EXOC1L: variants seen among roughly 807,000 people sequenced by gnomAD.
EXOC1L encodes the protein exocyst complex component 1-like.
A neutral mutation model predicts 4.9 loss-of-function variants in EXOC1L; 10 were observed. The observed-to-expected ratio is 2.02, with a 90% CI of 1.25 to 3.43. The LOEUF is 3.43. Among genes scored for constraint, EXOC1L ranks in the 30% most tolerant of loss-of-function variants. EXOC1L has a pLI of 0.00. For missense variants in EXOC1L, 114 were observed against 59.4 expected, an observed-to-expected ratio of 1.92 and a Z score of -3.02; for synonymous variants, 41 against 20.8, an observed-to-expected ratio of 1.97 and a Z score of -2.63.
chr4:55,828,600 G>T (rs1364547882), intron 1 of EXOC1L, among the ~76,000 whole-genome samples: 1 of 152,128 alleles, frequency 6.6e-6, no homozygotes, highest in Non-Finnish European at 1.5e-5. Flanking sequence ...GAGAGGCCGA[G>T]GCAGGAGCAT....
chr4:55,821,413 T>C (rs1202576884), intron 1 of EXOC1L, among the ~76,000 whole-genome samples: 2 of 152,138 alleles, frequency 1.3e-5, no homozygotes, highest in African/African-American at 2.4e-5. Context: ...TCTTAAAATA[T>C]TTTTACTGAA....
At chr4:55,824,271 TCTCA>T (rs1294696065) in intron 1 of EXOC1L, among the ~76,000 whole-genome samples, 12 of 144,710 alleles carry the variant, frequency 8.3e-5, no homozygotes, top group East Asian at 3.9e-4. Flanking sequence ...TCTCTCTCTC[TCTCA>T]CACACACACA....
At chr4:55,834,355 G>A (rs956300178) in intron 2 of EXOC1L, among the ~76,000 whole-genome samples, 4 of 151,852 alleles carry the variant, frequency 2.6e-5, no homozygotes, top group African/African-American at 9.7e-5. Flanking sequence ...ATAACTAAAT[G>A]TGTGACCTGG....
rs1488933675 is a variant in EXOC1L at position 55,837,143 on chromosome 4, G to A, written c.311G>A (p.Cys104Tyr). ...GTGTACAGTTTGGAAGCATATAGCT[G>A]TGCTTCTAAATATGCCTTTGCTCGA... ...KKVYSLEAYS[C>Y]ASKYAFARTV... Residue 104 changes from cysteine (C) to tyrosine (Y), a missense_variant, in exon 3 of 3, where the codon TGT becomes TAT. Coordinates refer to ENST00000636125, the MANE Select transcript of EXOC1L (RefSeq NM_001351574.3). The A allele has an allele frequency of 1.4e-6, 1 of 701,830 alleles. No individual in the cohort carries two copies. The highest frequency in any genetic ancestry group is 2.6e-6 in the Non-Finnish European group (1 of 384,292). The allele number at this position is 701,830 out of a possible 1,614,324, so 43.5% of individuals were successfully genotyped here. A position where few individuals can be genotyped will look rare whatever the true frequency, so the allele number is the denominator to read the frequency against.
intron 2 of EXOC1L, among the ~76,000 whole-genome samples, chr4:55,834,247 A>C (rs149422509): frequency 3.3e-5 from 5 of 152,070 alleles, no homozygotes; most frequent in Non-Finnish European, 7.4e-5. Flanking sequence ...AATCAAAATG[A>C]CTGGGGATTT....
chr4:55,822,869 T>A (rs563657388), intron 1 of EXOC1L, among the ~76,000 whole-genome samples: 303 of 152,178 alleles, frequency 2.0e-3, no homozygotes, highest in African/African-American at 6.9e-3. Context: ...ATTAAGGTTA[T>A]AATTTTCAGA....
At chr4:55,835,371 C>A (rs1720133881) in intron 2 of EXOC1L, among the ~76,000 whole-genome samples, 1 of 151,874 alleles carries the variant, frequency 6.6e-6, no homozygotes. Flanking sequence ...GGTAGAAACC[C>A]AGGAGTTGGA....
intron 1 of EXOC1L, among the ~76,000 whole-genome samples, chr4:55,823,615 A>G (rs1049003725): frequency 6.6e-6 from 1 of 152,218 alleles, no homozygotes; most frequent in South Asian, 2.1e-4. Context: ...ACAGCTATGC[A>G]TATGTTCTGA....
At chr4:55,831,599 A>C (rs1720034556) in intron 2 of EXOC1L, 135 bp downstream of exon 2, 1 of 456,334 alleles carries the variant, frequency 2.2e-6, no homozygotes, top group South Asian at 4.6e-5. Context: ...GGCATAGTTT[A>C]ATCTACTGGG....
chr4:55,825,099 A>G (rs1719847499), intron 1 of EXOC1L, among the ~76,000 whole-genome samples: 1 of 152,192 alleles, frequency 6.6e-6, no homozygotes, highest in Non-Finnish European at 1.5e-5. Context: ...GATAGCTGTA[A>G]GGCATGCCTG....
At chr4:55,823,437 C>A (rs1237178040) in intron 1 of EXOC1L, among the ~76,000 whole-genome samples, 1 of 152,078 alleles carries the variant, frequency 6.6e-6, no homozygotes, top group Non-Finnish European at 1.5e-5. Flanking sequence ...ATAGTATTGT[C>A]TGGAAGAGGT....
At chr4:55,833,120 A>G (rs1720075048) in intron 2 of EXOC1L, among the ~76,000 whole-genome samples, 1 of 151,946 alleles carries the variant, frequency 6.6e-6, no homozygotes, top group African/African-American at 2.4e-5. Context: ...CCTTTTTGAC[A>G]ATATGTTCTA....
In EXOC1L at chr4:55,819,816, A is replaced by G; in HGVS notation, c.-211A>G. 2.9e-6 allele frequency: 1 copy of G among 346,376 alleles called. No individual in the cohort carries two copies. Among genetic ancestry groups the G allele is most frequent in the Non-Finnish European group, 5.2e-6 (1 of 194,034 alleles). The allele number at this position is 346,376 out of a possible 1,614,324, so 21.5% of individuals were successfully genotyped here. A position where few individuals can be genotyped will look rare whatever the true frequency, so the allele number is the denominator to read the frequency against. On this transcript the variant is annotated 5_prime_UTR_variant, in exon 1 of 3. Transcript: ENST00000636125. ...TTTGGCTGCCGCCGCCGCTGCTGCCACTGGGCAGATACCGCAGTGAGGGGT... is the reference window on the plus strand; with the variant it reads ...TTTGGCTGCCGCCGCCGCTGCTGCCGCTGGGCAGATACCGCAGTGAGGGGT...
chr4:55,826,145 A>G (rs1283654897), intron 1 of EXOC1L, among the ~76,000 whole-genome samples: 1 of 152,084 alleles, frequency 6.6e-6, no homozygotes, highest in African/African-American at 2.4e-5. Flanking sequence ...GATGAAAGTA[A>G]TGGTAGTCTT....
intron 1 of EXOC1L, among the ~76,000 whole-genome samples, chr4:55,827,704 C>T (rs1201559727): frequency 6.6e-6 from 1 of 152,170 alleles, no homozygotes; most frequent in African/African-American, 2.4e-5. Context: ...TTCTCTCCCA[C>T]CCCCTAAGCA....
chr4:55,824,662 T>A (rs886483132), intron 1 of EXOC1L, among the ~76,000 whole-genome samples: 1 of 152,102 alleles, frequency 6.6e-6, no homozygotes, highest in Non-Finnish European at 1.5e-5. Context: ...CACCCAGCCC[T>A]ATGCAGGAAT....
At chr4:55,835,040 C>A (rs1411663196) in intron 2 of EXOC1L, among the ~76,000 whole-genome samples, 3 of 151,788 alleles carry the variant, frequency 2.0e-5, no homozygotes, top group Admixed American at 2.0e-4. Context: ...TTTGCATACG[C>A]ATAACTTAAC....
intron 1 of EXOC1L, among the ~76,000 whole-genome samples, chr4:55,824,135 T>C (rs984551737): frequency 1.3e-5 from 2 of 152,080 alleles, no homozygotes; most frequent in African/African-American, 4.8e-5. Flanking sequence ...AATTGTCAAA[T>C]GGGGAACAGA....
At chr4:55,824,864 A>C (rs1170417833) in intron 1 of EXOC1L, among the ~76,000 whole-genome samples, 8 of 152,176 alleles carry the variant, frequency 5.3e-5, no homozygotes, top group Admixed American at 5.2e-4. Flanking sequence ...TGAACAACCC[A>C]CATCACCATC....
Sources: gnomAD v4.1 joint callset for allele counts (sites outside exome capture counted in the v4.1 genomes callset) on GRCh38, gnomAD v4.1.1 for gene constraint, MANE v1.5 for transcripts, NCBI Gene and HGNC (gene_info 2026-07-23, HGNC 2026-07-21) for gene names.